UBE2E2: variants seen among roughly 807,000 people sequenced by gnomAD.
UBE2E2 encodes the protein ubiquitin conjugating enzyme E2 E2.
UBE2E2 carries 6 observed loss-of-function variants against 24.7 expected under a neutral mutation model. The observed-to-expected ratio is 0.24, with a 90% CI of 0.13 to 0.48. The LOEUF (loss-of-function observed/expected upper bound fraction) is 0.48, where lower values mean the gene tolerates loss of function less well. UBE2E2 is among the 20% of genes least tolerant of loss of function. The probability of loss-of-function intolerance (pLI) is 0.99; values close to 1 mark genes in which losing one functional copy is unlikely to be tolerated. For missense variants in UBE2E2, 169 were observed against 245.0 expected, an observed-to-expected ratio of 0.69 and a Z score of 2.07; for synonymous variants, 104 against 83.6, an observed-to-expected ratio of 1.24 and a Z score of -1.33.
intron 3 of UBE2E2, among the ~76,000 whole-genome samples, chr3:23,434,061 G>A (rs1575626306): frequency 6.6e-6 from 1 of 152,020 alleles, no homozygotes; most frequent in East Asian, 1.9e-4. Context: ...ACTGTCTGAA[G>A]CTAATAGGTT....
chr3:23,428,936 A>T (rs1697993660), intron 3 of UBE2E2, among the ~76,000 whole-genome samples: 1 of 150,740 alleles, frequency 6.6e-6, no homozygotes, highest in Non-Finnish European at 1.5e-5. Context: ...CTTAAAAAAA[A>T]AAAAAAAAAA....
chr3:23,322,847 T>C (rs1271622837), intron 3 of UBE2E2, among the ~76,000 whole-genome samples: 2 of 151,982 alleles, frequency 1.3e-5, no homozygotes, highest in African/African-American at 4.8e-5. Flanking sequence ...TGTCTAGCAT[T>C]AATTTGGTAT....
At chr3:23,335,226 G>A (rs1281318443) in intron 3 of UBE2E2, among the ~76,000 whole-genome samples, 1 of 152,114 alleles carries the variant, frequency 6.6e-6, no homozygotes, top group Non-Finnish European at 1.5e-5. Context: ...ATTAGTGCTG[G>A]TCAATTCTGA....
chr3:23,556,082 A>T (rs1695774687), intron 5 of UBE2E2, among the ~76,000 whole-genome samples: 2 of 151,436 alleles, frequency 1.3e-5, no homozygotes, highest in African/African-American at 2.4e-5. Flanking sequence ...CACTGTAGTA[A>T]CCATTTTTCT....
chr3:23,400,607 A>AAACACAC (rs1553608471), intron 3 of UBE2E2, among the ~76,000 whole-genome samples: 1 of 137,726 alleles, frequency 7.3e-6, no homozygotes, highest in African/African-American at 2.6e-5. Context: ...GAATAAATGA[A>AAACACAC]ACACACACAC....
At chr3:23,290,140 A>G (rs922241255) in intron 3 of UBE2E2, among the ~76,000 whole-genome samples, 1 of 152,242 alleles carries the variant, frequency 6.6e-6, no homozygotes, top group Non-Finnish European at 1.5e-5. Flanking sequence ...ACACACACAC[A>G]CATACGCACA....
intron 3 of UBE2E2, among the ~76,000 whole-genome samples, chr3:23,403,190 G>A (rs943952052): frequency 2.6e-5 from 4 of 152,194 alleles, no homozygotes; most frequent in Non-Finnish European, 5.9e-5. Flanking sequence ...GTTACCACTA[G>A]TACTTTGCAA....
At chr3:23,363,390 T>C (rs1019790535) in intron 3 of UBE2E2, among the ~76,000 whole-genome samples, 2 of 152,116 alleles carry the variant, frequency 1.3e-5, no homozygotes, top group Non-Finnish European at 2.9e-5. Context: ...AACTGTATCC[T>C]CTCTACAGGA....
At chr3:23,331,309 G>A (rs1283103447) in intron 3 of UBE2E2, among the ~76,000 whole-genome samples, 1 of 152,194 alleles carries the variant, frequency 6.6e-6, no homozygotes, top group African/African-American at 2.4e-5. Flanking sequence ...AGGTTTAGGT[G>A]CATTGTTTAG....
intron 1 of UBE2E2, 138 bp from the exon 2 acceptor site, chr3:23,208,554 T>C: frequency 1.7e-6 from 1 of 592,176 alleles, no homozygotes; most frequent in Non-Finnish European, 2.6e-6. Flanking sequence ...CTCCCAAAGC[T>C]GCATTGTTTT....
At chr3:23,416,896 C>G (rs1395425891) in intron 3 of UBE2E2, among the ~76,000 whole-genome samples, 1 of 152,056 alleles carries the variant, frequency 6.6e-6, no homozygotes, top group Admixed American at 6.5e-5. Context: ...TTTTTCAGCT[C>G]CATCAGGTCA....
At chr3:23,268,665 C>T (rs1400645034) in intron 3 of UBE2E2, among the ~76,000 whole-genome samples, 1 of 148,622 alleles carries the variant, frequency 6.7e-6, no homozygotes, top group Non-Finnish European at 1.5e-5. Context: ...CCCCATCAAG[C>T]TACCAATGAG....
At chr3:23,451,717 T>C (rs1698565959) in intron 3 of UBE2E2, among the ~76,000 whole-genome samples, 1 of 152,222 alleles carries the variant, frequency 6.6e-6, no homozygotes, top group Non-Finnish European at 1.5e-5. Flanking sequence ...TAATTCAAAC[T>C]TGATTCTCAT....
intron 3 of UBE2E2, among the ~76,000 whole-genome samples, chr3:23,365,202 G>A (rs1696222318): frequency 6.6e-6 from 1 of 152,124 alleles, no homozygotes. Context: ...CATTCCCCTT[G>A]AGAACCGGAA....
chr3:23,231,351 CTT>C (rs933488499), intron 3 of UBE2E2, among the ~76,000 whole-genome samples: 2 of 152,076 alleles, frequency 1.3e-5, no homozygotes, highest in Non-Finnish European at 1.5e-5. Flanking sequence ...TTCCTCAAAA[CTT>C]AGATTTGTAG....
chr3:23,474,017 C>T lies in UBE2E2; in HGVS notation c.228-25591C>T, dbSNP rs1054412635. 6.6e-6 allele frequency among the ~76,000 whole-genome samples: 1 copy of T among 151,998 alleles called. No individual in the cohort carries two copies. The highest frequency in any genetic ancestry group is 6.5e-5 in the Admixed American group (1 of 15,272). On this transcript the variant is annotated intron_variant, in intron 3 of 5. Coordinates refer to ENST00000396703, the MANE Select transcript of UBE2E2 (RefSeq NM_152653.4). This position sits in a 1 kb window ranked among gnomAD's most constrained non-coding sequence, Gnocchi z 4.0. Reference sequence around the variant, plus strand: ...TGGTTGTACCAGTTTACATTCCCACCAGCAGTGTAGAAGTATTCCCTTTTC... The same window carrying T: ...TGGTTGTACCAGTTTACATTCCCACTAGCAGTGTAGAAGTATTCCCTTTTC...
At chr3:23,229,091 G>C (rs1452209657) in intron 3 of UBE2E2, among the ~76,000 whole-genome samples, 2 of 152,130 alleles carry the variant, frequency 1.3e-5, no homozygotes, top group Non-Finnish European at 2.9e-5. Flanking sequence ...TCTGGCAAGA[G>C]CTCTTTCTTT....
At chr3:23,302,852 C>T (rs1408946168) in intron 3 of UBE2E2, among the ~76,000 whole-genome samples, 1 of 152,172 alleles carries the variant, frequency 6.6e-6, no homozygotes, top group African/African-American at 2.4e-5. Context: ...CTATAGACTG[C>T]TGATCCCTGT....
At chr3:23,461,059 A>G (rs1446267987) in intron 3 of UBE2E2, among the ~76,000 whole-genome samples, 1 of 152,240 alleles carries the variant, frequency 6.6e-6, no homozygotes, top group Non-Finnish European at 1.5e-5. Flanking sequence ...TATAAGCACT[A>G]AATTTCATGT....
Sources: gnomAD v4.1 joint callset for allele counts (sites outside exome capture counted in the v4.1 genomes callset) on GRCh38, gnomAD v4.1.1 for gene constraint, Gnocchi (gnomAD v3.1) non-coding constraint, MANE v1.5 for transcripts, NCBI Gene and HGNC (gene_info 2026-07-23, HGNC 2026-07-21) for gene names.